The following FLG variants were observed in gnomAD, a reference collection of about 807,000 sequenced individuals.
FLG encodes the protein epidermal filaggrin.
Under a neutral mutation model 3.8 loss-of-function variants are expected in FLG, and 6 were observed. The observed-to-expected ratio is 1.60, with a 90% CI of 0.87 to 3.15. The LOEUF is 3.15. Ranked by LOEUF, FLG falls within the 30% of genes most tolerant of loss-of-function variation. The pLI, the probability that FLG is intolerant of heterozygous loss-of-function variation, is 0.00. For synonymous variants in FLG, 2,551 were observed against 1,931.6 expected (o/e 1.32, Z -8.41); for missense variants, 7,595 against 5,050.9 (o/e 1.50, Z -15.27).
rs1273563413 is a variant in FLG, at chr1:152,304,888, C to A, written c.9998G>T (p.Trp3333Leu). 3.1e-6 allele frequency: 5 copies of A among 1,613,764 alleles called. No individual in the cohort carries two copies. Among genetic ancestry groups the A allele is most frequent in the Non-Finnish European group, 3.4e-6 (4 of 1,179,940 alleles). The stretch of plus-strand genomic sequence containing the variant: ...ACTGGCCTGACTACCACTGGACCCC[C>A]AGTGTCTACTGTCTCTGACTGCAGA... Reference protein sequence around the residue: ...ASSAVRDSRHWGSSGSQASDS... With the variant: ...ASSAVRDSRHLGSSGSQASDS... The change falls in exon 3 of 3, where the codon TGG becomes TTG. Residue 3333 changes from tryptophan to leucine, a missense_variant. Physicochemically the swap from Trp to Leu is moderately conservative, Grantham distance 61. Transcript: ENST00000368799.
At position 152,311,529 on chromosome 1, in the gene FLG, G is replaced by A. The variant is rs1360645389; in HGVS notation, c.3357C>T (p.Tyr1119=). 1.2e-6 allele frequency: 2 copies of A among 1,613,842 alleles called. No individual in the cohort carries two copies. Among genetic ancestry groups the A allele is most frequent in the East Asian group, 2.2e-5 (1 of 44,788 alleles). The change falls in exon 3 of 3, where the codon TAC becomes TAT. Residue 1119 remains tyrosine, a synonymous_variant. Transcript: ENST00000368799. ...GRSGRSGSFI[Y]QVSTHEQSES... Reference sequence around the variant, plus strand: ...CAGACTGTTCATGAGTGCTCACCTGGTAGATGAAAGACCCTGAACGTCCAG... The same window carrying A: ...CAGACTGTTCATGAGTGCTCACCTGATAGATGAAAGACCCTGAACGTCCAG...
At position 152,309,315 on chromosome 1, in the gene FLG, C is replaced by T. The variant is rs946816221; in HGVS notation, c.5571G>A (p.Gly1857=). The change falls in exon 3 of 3, where the codon GGG becomes GGA. Residue 1857 remains glycine, a synonymous_variant. Transcript: ENST00000368799. The stretch of plus-strand genomic sequence containing the variant: ...TGCTGACACTTCTGGATCCTGACTG[C>T]CCACGGGAGACATCAGACCTTTCCT... ...TSQERSDVSR[G]QSGSRSVSRQ... The T allele has an allele frequency of 6.2e-7, 1 of 1,613,682 alleles. No individual in the cohort carries two copies. Among genetic ancestry groups the T allele is most frequent in the Non-Finnish European group, 8.5e-7 (1 of 1,179,994 alleles).
intron 2 of FLG, 72 bp downstream of exon 2, chr1:152,315,247 A>G: frequency 1.4e-6 from 2 of 1,423,236 alleles, no homozygotes; most frequent in South Asian, 2.4e-5. Flanking sequence ...CAAAGAGCTC[A>G]AAATAACCCT....
rs1475714205 is a variant in FLG at position 152,314,293 on chromosome 1, T to C, written c.593A>G (p.Lys198Arg). Reference sequence around the variant, plus strand: ...CTCTTCAAGTCTTTCACTTAGCCTCTTCCTATTGTCTCCTAATCTAGTATT... The same window carrying C: ...CTCTTCAAGTCTTTCACTTAGCCTCCTCCTATTGTCTCCTAATCTAGTATT... Reference protein sequence around the residue: ...TENTRLGDNRKRLSERLEEKE... With the variant: ...TENTRLGDNRRRLSERLEEKE... The change falls in exon 3 of 3, where the codon AAG becomes AGG. Residue 198 changes from lysine to arginine, a missense_variant. Physicochemically the swap from Lys to Arg is conservative, Grantham distance 26. Coordinates refer to ENST00000368799, the MANE Select transcript of FLG (RefSeq NM_002016.2). 14 of 1,613,546 alleles carry C rather than the reference T, an allele frequency of 8.7e-6. No individual in the cohort carries two copies. The highest frequency in any genetic ancestry group is 1.2e-5 in the Non-Finnish European group (14 of 1,179,928).
rs777529436 is a variant in FLG at position 152,309,130 on chromosome 1, C to G, written c.5756G>C (p.Ser1919Thr). Residue 1919 changes from serine (S) to threonine (T), a missense_variant, in exon 3 of 3, where the codon AGC becomes ACC. By Grantham distance (58) the Ser-to-Thr change is moderately conservative. Coordinates refer to ENST00000368799, the MANE Select transcript of FLG (RefSeq NM_002016.2). The stretch of plus-strand genomic sequence containing the variant: ...GTGTCCCTGACTGTCACTGTCCTGG[C>G]TAACACTGGATCCCTGGTTCCTGCT... ...RTSRNQGSSVSQDSDSQGHSE... is the reference protein window; with the variant it reads ...RTSRNQGSSVTQDSDSQGHSE... 11 of 1,613,646 alleles carry G rather than the reference C, an allele frequency of 6.8e-6. No homozygotes were observed. The highest frequency in any genetic ancestry group is 9.3e-6 in the Non-Finnish European group (11 of 1,179,714).
rs1272091196 is a variant in FLG, at chr1:152,313,473, C to G, written c.1413G>C (p.Gln471His). 1 of 1,613,888 alleles carries G rather than the reference C, an allele frequency of 6.2e-7. No individual in the cohort carries two copies. Among genetic ancestry groups the G allele is most frequent in the Non-Finnish European group, 8.5e-7 (1 of 1,179,990 alleles). Reference protein sequence around the residue: ...RSGRSGSSLYQVSTHEQPDSA... With the variant: ...RSGRSGSSLYHVSTHEQPDSA... ...AGTCAGGCTGTTCATGAGTGCTCAC[C>G]TGGTAGAGGGAAGACCCTGAACGTC... Residue 471 changes from glutamine (Q) to histidine (H), a missense_variant, in exon 3 of 3, where the codon CAG (glutamine) becomes CAC (histidine). Transcript: ENST00000368799.
intron 1 of FLG, among the ~76,000 whole-genome samples, chr1:152,321,236 G>T (rs964089801): frequency 1.3e-5 from 2 of 150,654 alleles, no homozygotes; most frequent in African/African-American, 4.9e-5. Context: ...ATATGTATAT[G>T]AAAGACTGAA....
Position 152,303,379 on chromosome 1 carries a change from T to G in FLG, c.11507A>C (p.Gln3836Pro). 1 of 1,614,094 alleles carries G rather than the reference T, an allele frequency of 6.2e-7. No individual in the cohort carries two copies. Among genetic ancestry groups the G allele is most frequent in the Non-Finnish European group, 8.5e-7 (1 of 1,180,016 alleles). The stretch of plus-strand genomic sequence containing the variant: ...CTGTGAGTGTCTAGAGCTGTCAGCC[T>G]GAGTGGAAGCTTCATGGTGACGCGA... ...SGSRHHEAST[Q>P]ADSSRHSQSG... The change falls in exon 3 of 3, where the codon CAG (glutamine) becomes CCG (proline). Residue 3836 changes from glutamine (Q) to proline (P), a missense_variant. Transcript: ENST00000368799.
At position 152,304,853 on chromosome 1, in the gene FLG, C is replaced by A. The variant is rs1353933532; in HGVS notation, c.10033G>T (p.Gly3345Ter). 1 of 1,613,870 alleles carries A rather than the reference C, an allele frequency of 6.2e-7. No individual in the cohort carries two copies. ...SSGSQASDSE[G>*]HSEESDTQSV... ...TGTGTGTCTGACTCTTCTGAATGTC[C>A]CTCACTATCACTGGCCTGACTACCA... Residue 3345 changes from glycine (G) to a stop codon, truncating the protein, a stop_gained, in exon 3 of 3, where the codon GGA becomes TGA. Transcript: ENST00000368799. LOFTEE classifies it low-confidence loss of function (END_TRUNC).
Position 152,313,219 on chromosome 1 carries a change from T to A in FLG, c.1667A>T (p.Asp556Val). Residue 556 changes from aspartate (D) to valine (V), a missense_variant, in exon 3 of 3, where the codon GAT (aspartate) becomes GTT (valine). Physicochemically the swap from Asp to Val is radical, Grantham distance 152. Coordinates refer to ENST00000368799, the MANE Select transcript of FLG (RefSeq NM_002016.2). ...HSHTTSQGRSDASHGQSGSRS... is the reference protein window; with the variant it reads ...HSHTTSQGRSVASHGQSGSRS... ...GGATCCTGACTGCCCATGGGAGGCA[T>A]CAGACCTTCCCTGGGATGTGGTGTG... The A allele has an allele frequency of 6.2e-7, 1 of 1,613,852 alleles. No individual in the cohort carries two copies.
rs138313637 is a variant in FLG at position 152,309,648 on chromosome 1, G to A, written c.5238C>T (p.Ser1746=). Residue 1746 remains serine, a synonymous_variant, in exon 3 of 3, where the codon AGC becomes AGT. Transcript: ENST00000368799. ...AHGQAGPHQQ[S]HQESTRGQSG... is the part of the protein sequence containing the mutation. ...ACTGGCCACGTGTGGACTCTTGGTGGCTCTGCTGATGGGGCCCAGCCTGTC... is the reference window on the plus strand; with the variant it reads ...ACTGGCCACGTGTGGACTCTTGGTGACTCTGCTGATGGGGCCCAGCCTGTC... 6.2e-7 allele frequency: 1 copy of A among 1,613,546 alleles called. No individual in the cohort carries two copies. Among genetic ancestry groups the A allele is most frequent in the African/African-American group, 1.3e-5 (1 of 74,792 alleles).
Position 152,304,572 on chromosome 1 carries a change from C to A in FLG, c.10314G>T (p.Pro3438=), listed in dbSNP as rs3120643. 1 of 1,610,032 alleles carries A rather than the reference C, an allele frequency of 6.2e-7. No homozygotes were observed. The highest frequency in any genetic ancestry group is 8.5e-7 in the Non-Finnish European group (1 of 1,178,262). The change falls in exon 3 of 3, where the codon CCG becomes CCT. Residue 3438 remains proline (P), a synonymous_variant. Coordinates refer to ENST00000368799, the MANE Select transcript of FLG (RefSeq NM_002016.2). ...QEGQDTIRGH[P]GSSRRGRQGS... ...CCTGCCTTCCTCTTCTGCTTGACCCCGGGTGTCCACGAATGGTGTCCTGAC... is the reference window on the plus strand; with the variant it reads ...CCTGCCTTCCTCTTCTGCTTGACCCAGGGTGTCCACGAATGGTGTCCTGAC...
rs781411012 is a variant in FLG, at chr1:152,309,638, A to T, written c.5248T>A (p.Ser1750Thr). ...AGPHQQSHQE[S>T]TRGQSGERSG... is the part of the protein sequence containing the mutation. ...CTTTCCCCTGACTGGCCACGTGTGGACTCTTGGTGGCTCTGCTGATGGGGC... is the reference window on the plus strand; with the variant it reads ...CTTTCCCCTGACTGGCCACGTGTGGTCTCTTGGTGGCTCTGCTGATGGGGC... Residue 1750 changes from serine (S) to threonine (T), a missense_variant, in exon 3 of 3, where the codon TCC (serine) becomes ACC (threonine). Physicochemically the swap from Ser to Thr is moderately conservative, Grantham distance 58. Transcript: ENST00000368799. 8.7e-6 allele frequency: 14 copies of T among 1,611,364 alleles called. No homozygotes were observed. The highest frequency in any genetic ancestry group is 3.3e-4 in the Middle Eastern group (2 of 6,084).
chr1:152,318,569 T>C (rs1180919105), intron 1 of FLG, among the ~76,000 whole-genome samples: 1 of 149,460 alleles, frequency 6.7e-6, no homozygotes, highest in Non-Finnish European at 1.5e-5. Flanking sequence ...ACCTTCTTTT[T>C]AAAAAAAATC....
rs1374108298 is a variant in FLG, at chr1:152,308,339, G to A, written c.6547C>T (p.Gln2183Ter). 1 of 1,613,618 alleles carries A rather than the reference G, an allele frequency of 6.2e-7. No individual in the cohort carries two copies. Among genetic ancestry groups the A allele is most frequent in the Non-Finnish European group, 8.5e-7 (1 of 1,179,816 alleles). ...CTGCTTGCACTTCTGGATCCTGACTGCCCACGGGAGGCATCAGACCTTCCC... is the reference window on the plus strand; with the variant it reads ...CTGCTTGCACTTCTGGATCCTGACTACCCACGGGAGGCATCAGACCTTCCC... Reference protein sequence around the residue: ...SQGRSDASRGQSGSRSASRKT... With the variant: ...SQGRSDASRG The change falls in exon 3 of 3, where the codon CAG (glutamine) becomes TAG (stop). Residue 2183 changes from glutamine to a stop codon, truncating the protein, a stop_gained. Coordinates refer to ENST00000368799, the MANE Select transcript of FLG (RefSeq NM_002016.2). LOFTEE classifies it low-confidence loss of function (END_TRUNC).
At position 152,305,078 on chromosome 1, in the gene FLG, G is replaced by A. The variant is rs35621145; in HGVS notation, c.9808C>T (p.Arg3270Cys). 38,831 of 1,613,124 alleles carry A rather than the reference G, an allele frequency of 0.024. 799 individuals carry two copies. The highest frequency in any genetic ancestry group is 0.056 in the South Asian group (5,067 of 91,010). Residue 3270 changes from arginine to cysteine, a missense_variant, in exon 3 of 3, where the codon CGC becomes TGC. By Grantham distance (180) the Arg-to-Cys change is radical (BLOSUM62 -3). Coordinates refer to ENST00000368799, the MANE Select transcript of FLG (RefSeq NM_002016.2). The stretch of plus-strand genomic sequence containing the variant: ...TGACGAGTGCCTGATTGTCTGGAGC[G>A]GTCTGCAGAGTGCCCGTGACCGGCT... ...DRAGHGHSAD[R>C]SRQSGTRHAE... is the part of the protein sequence containing the mutation.
At position 152,310,342 on chromosome 1, in the gene FLG, G is replaced by C. The variant is rs180768115; in HGVS notation, c.4544C>G (p.Ser1515Ter). The C allele has an allele frequency of 1.9e-6, 3 of 1,613,918 alleles. No homozygotes were observed. The highest frequency in any genetic ancestry group is 2.2e-5 in the East Asian group (1 of 44,836). ...TGTGGTGTGGCTGTGATGGTACCCT[G>C]AGTGTCCAGACCTATCTACTGATTG... Reference protein sequence around the residue: ...HEQSVDRSGHSGYHHSHTTPQ... With the variant: ...HEQSVDRSGH Residue 1515 changes from serine to a stop codon, truncating the protein, a stop_gained, in exon 3 of 3, where the codon TCA becomes TGA. Transcript: ENST00000368799. LOFTEE classifies it low-confidence loss of function (END_TRUNC).
rs201651821 is a variant in FLG at position 152,309,627 on chromosome 1, G to A, written c.5259C>T (p.Gly1753=). 7.4e-6 allele frequency: 12 copies of A among 1,613,868 alleles called. No homozygotes were observed. The highest frequency in any genetic ancestry group is 1.7e-5 in the Admixed American group (1 of 59,994). ...AACGTCCAGACCTTTCCCCTGACTGGCCACGTGTGGACTCTTGGTGGCTCT... is the reference window on the plus strand; with the variant it reads ...AACGTCCAGACCTTTCCCCTGACTGACCACGTGTGGACTCTTGGTGGCTCT... ...HQQSHQESTR[G]QSGERSGRSG... Residue 1753 remains glycine, a synonymous_variant, in exon 3 of 3, where the codon GGC becomes GGT. Transcript: ENST00000368799.
rs528687560 is a variant in FLG, at chr1:152,307,475, C to T, written c.7411G>A (p.Gly2471Arg). ...TIHGHPGSSS[G>R]GRQGSHYEQL... ...TCGTAGTGGGATCCCTGCCTTCCTC[C>T]ACTGCTTGACCCCGGGTGTCCATGA... The change falls in exon 3 of 3, where the codon GGA becomes AGA. Residue 2471 changes from glycine (G) to arginine (R), a missense_variant. Gly to Arg is a moderately radical substitution (Grantham distance 125). Transcript: ENST00000368799. The T allele has an allele frequency of 6.2e-6, 10 of 1,613,216 alleles. No homozygotes were observed. Among genetic ancestry groups the T allele is most frequent in the Admixed American group, 5.0e-5 (3 of 59,898 alleles).
Sources: gnomAD v4.1 joint callset for allele counts (sites outside exome capture counted in the v4.1 genomes callset) on GRCh38, gnomAD v4.1.1 for gene constraint, MANE v1.5 for transcripts, NCBI Gene and HGNC (gene_info 2026-07-23, HGNC 2026-07-21) for gene names.